Variants in ITGA7 observed in about 807,000 individuals in gnomAD.
ITGA7 encodes the protein integrin subunit alpha 7, also known as integrin alpha-7.
A neutral mutation model predicts 131.6 loss-of-function variants in ITGA7; 84 were observed. The ratio of observed to expected loss-of-function variants is 0.64; its 90% CI spans 0.54 to 0.77. ITGA7 has a LOEUF of 0.77. Ranked by LOEUF, ITGA7 falls within the 30% of genes least tolerant of loss-of-function variation. The pLI, the probability that ITGA7 is intolerant of heterozygous loss-of-function variation, is 0.00. For missense variants in ITGA7, 1,399 were observed against 1,482.9 expected (o/e 0.94, Z 0.93); for synonymous variants, 548 against 600.7 (o/e 0.91, Z 1.28).
chr12:55,692,249 T>C (rs563393649), intron 21 of ITGA7, among the ~76,000 whole-genome samples: 4 of 152,250 alleles, frequency 2.6e-5, no homozygotes, highest in African/African-American at 7.2e-5. Context: ...AAACCCCGTC[T>C]CTACTAAAAA....
intron 5 of ITGA7, chr12:55,699,420 G>A (rs1873454451): frequency 3.6e-6 from 1 of 279,752 alleles, no homozygotes; most frequent in Non-Finnish European, 6.9e-6. Context: ...AAGGGGGAGT[G>A]AGAGAGCGCC....
upstream of ITGA7, among the ~76,000 whole-genome samples, chr12:55,710,428 A>G (rs1286553431): frequency 6.6e-6 from 1 of 151,772 alleles, no homozygotes; most frequent in East Asian, 1.9e-4. Context: ...AAATAAATAA[A>G]CTGTTAGAGA....
chr12:55,685,945 AAAGC>A (rs1298723812), intron 24 of ITGA7, among the ~76,000 whole-genome samples: 1 of 152,090 alleles, frequency 6.6e-6, no homozygotes, highest in Non-Finnish European at 1.5e-5. Context: ...CCCATAGAAA[AAAGC>A]ATGCATGCGA....
chr12:55,697,859 T>A, intron 8 of ITGA7, 37 bp from the exon 9 acceptor site: 1 of 1,613,874 alleles, frequency 6.2e-7, no homozygotes, highest in Non-Finnish European at 8.5e-7. Flanking sequence ...CAATCCCACC[T>A]CCCGCAGGCC....
At position 55,703,011 on chromosome 12, in the gene ITGA7, G is replaced by A. The variant is rs748781514; in HGVS notation, c.334+40C>T. On this transcript the variant is annotated intron_variant, in intron 2 of 24. Transcript: ENST00000257879. ...GAGGAGCCCAAGTCCTCTCCTCCCC[G>A]CTCACACGCTTCCCCCACTCTGTTC... 25 of 1,613,576 alleles carry A rather than the reference G, an allele frequency of 1.5e-5. No homozygotes were observed. In the South Asian group the frequency reaches 1.6e-4, roughly 11 times the overall value.
rs751848648 is a variant in ITGA7, at chr12:55,694,070, G to GC, written c.2485dup (p.Ala829GlyfsTer5). 6.2e-7 allele frequency: 1 copy of GC among 1,614,198 alleles called. No homozygotes were observed. Among genetic ancestry groups the GC allele is most frequent in the Non-Finnish European group, 8.5e-7 (1 of 1,180,022 alleles). On this transcript the variant is annotated frameshift_variant, in exon 19 of 25. Transcript: ENST00000257879. LOFTEE classifies it high-confidence loss of function. The surrounding 1 kb of genome is among the most constrained non-coding windows in gnomAD (Gnocchi z 5.3). ...GCCCACATCCCGCTCAGACTGCATGGCTCTCTCGCCCCTCACCACACCAGA... is the reference window on the plus strand; with the variant it reads ...GCCCACATCCCGCTCAGACTGCATGGCCTCTCTCGCCCCTCACCACACCAGA...
At chr12:55,703,234 C>T in intron 1 of ITGA7, 56 bp from the exon 2 acceptor site, 4 of 1,588,552 alleles carry the variant, frequency 2.5e-6, no homozygotes, top group Non-Finnish European at 3.4e-6. Context: ...CAGAATGACC[C>T]AATCTCATTA....
At chr12:55,688,736 A>AGG (rs796113131) in intron 22 of ITGA7, 108 bp downstream of exon 22, 35 of 661,060 alleles carry the variant, frequency 5.3e-5, no homozygotes, top group Admixed American at 2.5e-4. Flanking sequence ...AAAAAAAAAA[A>AGG]GGGGGGGGAT....
At chr12:55,716,105 C>G, upstream of ITGA7, 1 of 1,601,272 alleles carries the variant, frequency 6.2e-7, no homozygotes, top group Non-Finnish European at 8.5e-7. Context: ...GGAGGGGGCC[C>G]GGCGTACCCA....
chr12:55,694,566 G>C lies in ITGA7; in HGVS notation c.2278-44C>G, dbSNP rs370989421. ...GAGATTAGAGTCAGGGGTGGTCTAC[G>C]GGCTTATGGAGAGGCTACTCACGTA... On this transcript the variant is annotated intron_variant, in intron 16 of 24. Transcript: ENST00000257879. This position sits in a 1 kb window ranked among gnomAD's most constrained non-coding sequence, Gnocchi z 5.3. 4.3e-6 allele frequency: 7 copies of C among 1,612,794 alleles called. No homozygotes were observed. The African/African-American group carries it at 5.3e-5, about 12-fold the overall frequency.
intron 1 of ITGA7, among the ~76,000 whole-genome samples, chr12:55,707,247 A>C (rs1271492180): frequency 3.3e-5 from 5 of 152,102 alleles, no homozygotes. Context: ...CAAGACAAGA[A>C]CCTTGCTTTC....
rs1565611427 is a variant in ITGA7 at position 55,688,212 on chromosome 12, GC to G, written c.3046del (p.Ala1016ProfsTer4). ...AACCCTGCAGCTCACCACTGTGGAGGCATCTCGGAGCATCAAGTTCTTTATG... is the reference window on the plus strand; with the variant it reads ...AACCCTGCAGCTCACCACTGTGGAGGATCTCGGAGCATCAAGTTCTTTATG... Reference protein sequence around the residue: ...SSIKNLMLRDASTVIPVMVYL... With the variant: ...SSIKNLMLRDXSTVIPVMVYL... On this transcript the variant is annotated frameshift_variant, in exon 23 of 25. Transcript: ENST00000257879. LOFTEE classifies it high-confidence loss of function. The G allele has an allele frequency of 6.2e-7, 1 of 1,613,960 alleles. No individual in the cohort carries two copies. The highest frequency in any genetic ancestry group is 1.7e-5 in the Admixed American group (1 of 60,024).
intron 7 of ITGA7, 131 bp from the exon 8 acceptor site, chr12:55,698,157 A>G: frequency 1.1e-6 from 1 of 932,044 alleles, no homozygotes; most frequent in Non-Finnish European, 1.7e-6. Flanking sequence ...CAGGCACTCT[A>G]CATACATCAT....
In ITGA7 at chr12:55,695,512, C is replaced by G; in HGVS notation, c.2003+10G>C. ...CCTCCCACCCCCACCCTGCTCTCTG[C>G]CCCCCTCACATGGGCAGAGGTTGGA... On this transcript the variant is annotated intron_variant, in intron 14 of 24. Transcript: ENST00000257879. 6.7e-7 allele frequency: 1 copy of G among 1,489,338 alleles called. No homozygotes were observed. The highest frequency in any genetic ancestry group is 2.3e-5 in the East Asian group (1 of 44,200). The allele number at this position is 1,489,338 out of a possible 1,614,324, so 92.3% of individuals were successfully genotyped here.
chr12:55,700,049 G>C (rs752357802), intron 4 of ITGA7, 60 bp from the exon 5 acceptor site: 43 of 1,593,008 alleles, frequency 2.7e-5, no homozygotes, highest in Non-Finnish European at 3.7e-5. Context: ...CCACAGAGTA[G>C]GGAGACAGAG....
chr12:55,690,953 A>T (rs532619349), intron 21 of ITGA7, among the ~76,000 whole-genome samples: 1,922 of 150,660 alleles, frequency 0.013, 36 homozygotes, highest in African/African-American at 0.044. Flanking sequence ...GGAACATCAC[A>T]CTCTGGGGAC....
chr12:55,699,924 G>A lies in ITGA7; in HGVS notation c.736C>T (p.Pro246Ser). ...GCTGGTCCTGGGAGCCGGTCAGCAGGGTCCAAAGTTTTATACACCAGCTGG... is the reference window on the plus strand; with the variant it reads ...GCTGGTCCTGGGAGCCGGTCAGCAGAGTCCAAAGTTTTATACACCAGCTGG... ...PDQLVYKTLD[P>S]ADRLPGPAGD... The change falls in exon 5 of 25, where the codon CCT becomes TCT. Residue 246 changes from proline to serine, a missense_variant. Pro to Ser is a moderately conservative substitution (Grantham distance 74). Coordinates refer to ENST00000257879, the MANE Select transcript of ITGA7 (RefSeq NM_002206.3). 1 of 1,613,984 alleles carries A rather than the reference G, an allele frequency of 6.2e-7. No homozygotes were observed. Among genetic ancestry groups the A allele is most frequent in the South Asian group, 1.1e-5 (1 of 91,002 alleles).
intron 1 of ITGA7, 59 bp downstream of exon 1, chr12:55,707,417 TG>T: frequency 7.4e-7 from 1 of 1,356,838 alleles, no homozygotes; most frequent in Non-Finnish European, 1.1e-6. Flanking sequence ...GCCCACAGAG[TG>T]GGGAGGGGGA....
upstream of ITGA7, chr12:55,716,062 G>GGAGCCGAGGT (rs1876491187): frequency 6.4e-7 from 1 of 1,560,938 alleles, no homozygotes; most frequent in Non-Finnish European, 8.7e-7. Context: ...ATGGCCCCGG[G>GGAGCCGAGGT]GAGCCGAGGT....
Sources: gnomAD v4.1 joint callset for allele counts (sites outside exome capture counted in the v4.1 genomes callset) on GRCh38, gnomAD v4.1.1 for gene constraint, Gnocchi (gnomAD v3.1) non-coding constraint, MANE v1.5 for transcripts, NCBI Gene and HGNC (gene_info 2026-07-23, HGNC 2026-07-21) for gene names.